VWA7: variants seen among roughly 807,000 people sequenced by gnomAD.
VWA7 encodes the protein von Willebrand factor A domain containing 7, also known as von Willebrand factor A domain-containing protein 7.
Under a neutral mutation model 83.1 loss-of-function variants are expected in VWA7, and 66 were observed. The ratio of observed to expected loss-of-function variants is 0.79; its 90% CI spans 0.65 to 0.98. The LOEUF (loss-of-function observed/expected upper bound fraction) is 0.98. VWA7 is among the 50% of genes least tolerant of loss of function. VWA7 has a pLI of 0.00. For missense variants in VWA7, 1,080 were observed against 1,160.2 expected (o/e 0.93, Z 1.00); for synonymous variants, 424 against 488.5 (o/e 0.87, Z 1.74).
In VWA7 at chr6:31,769,083, T is replaced by C; in HGVS notation, c.1438A>G (p.Ile480Val). Residue 480 changes from isoleucine to valine, a missense_variant, in exon 10 of 17, where the codon ATC becomes GTC. Transcript: ENST00000375688. The surrounding 1 kb of genome is among the most constrained non-coding windows in gnomAD (Gnocchi z 4.5). ...AVALASGGEV[I>V]FTKDQHIRDV... ...CGAATGTGCTGGTCTTTGGTGAAGA[T>C]CACCTCTCCTCCTGAGGCCAGGGCC... The C allele has an allele frequency of 1.9e-6, 3 of 1,613,064 alleles. No homozygotes were observed. Among genetic ancestry groups the C allele is most frequent in the Non-Finnish European group, 2.5e-6 (3 of 1,180,012 alleles).
intron 7 of VWA7, among the ~76,000 whole-genome samples, chr6:31,772,157 T>TA (rs1468610262): frequency 6.6e-6 from 1 of 151,360 alleles, no homozygotes; most frequent in East Asian, 1.9e-4. Flanking sequence ...TTTTTTTTTT[T>TA]AGAGACAGGG....
Position 31,776,046 on chromosome 6 carries a change from A to C in VWA7, c.431T>G (p.Leu144Arg). 6.2e-7 allele frequency: 1 copy of C among 1,613,724 alleles called. No homozygotes were observed. The highest frequency in any genetic ancestry group is 1.1e-5 in the South Asian group (1 of 91,078). The stretch of plus-strand genomic sequence containing the variant: ...CCTGGCTGCCACCACGGTCTCCCGC[A>C]GAGCCCCTACCAGGCGCGCGCGTCC... ...GQGRARLVGALRETVVAARAL... is the reference protein window; with the variant it reads ...GQGRARLVGARRETVVAARAL... Residue 144 changes from leucine (L) to arginine (R), a missense_variant, in exon 3 of 17, where the codon CTG becomes CGG. Transcript: ENST00000375688. The surrounding 1 kb of genome is among the most constrained non-coding windows in gnomAD (Gnocchi z 6.2).
chr6:31,765,753 AGG>A lies in VWA7; in HGVS notation c.2515_2516del (p.Pro839TyrfsTer5). On this transcript the variant is annotated frameshift_variant, in exon 17 of 17. Transcript: ENST00000375688. LOFTEE classifies it low-confidence loss of function (END_TRUNC). ...TGAGGATCGGGTCAGATGAGCCGGTAGGGGTGGTGTGCCGGTCCTGTGGGGAA... is the reference window on the plus strand; with the variant it reads ...TGAGGATCGGGTCAGATGAGCCGGTAGGTGGTGTGCCGGTCCTGTGGGGAA... ...APAPQDRHTT[P>X]TGSSDPILTT... 1 of 1,588,740 alleles carries A rather than the reference AGG, an allele frequency of 6.3e-7. No individual in the cohort carries two copies. The highest frequency in any genetic ancestry group is 8.6e-7 in the Non-Finnish European group (1 of 1,166,882).
Position 31,766,414 on chromosome 6 carries a change from C to A in VWA7, c.2185-30G>T, listed in dbSNP as rs575014036. 2.5e-5 allele frequency: 39 copies of A among 1,580,306 alleles called. No homozygotes were observed. In the Middle Eastern group the frequency reaches 1.2e-3, roughly 47 times the overall value. ...AGAGAAGGGTTCTTCAGGGAAGGGGCCGCTCTAACTCTCTCCAGCCCCAGC... is the reference window on the plus strand; with the variant it reads ...AGAGAAGGGTTCTTCAGGGAAGGGGACGCTCTAACTCTCTCCAGCCCCAGC... On this transcript the variant is annotated intron_variant, in intron 14 of 16. Coordinates refer to ENST00000375688, the MANE Select transcript of VWA7 (RefSeq NM_025258.3). This position sits in a 1 kb window ranked among gnomAD's most constrained non-coding sequence, Gnocchi z 4.9.
Position 31,776,870 on chromosome 6 carries a change from G to T in VWA7, c.-15-76C>A. 2.4e-6 allele frequency: 2 copies of T among 844,962 alleles called. No homozygotes were observed. The highest frequency in any genetic ancestry group is 3.4e-6 in the Non-Finnish European group (2 of 586,168). The allele number at this position is 844,962 out of a possible 1,614,324, so 52.3% of individuals were successfully genotyped here. On this transcript the variant is annotated intron_variant, in intron 1 of 16. Transcript: ENST00000375688. This position sits in a 1 kb window ranked among gnomAD's most constrained non-coding sequence, Gnocchi z 6.2. ...GCAGGCCGGCTCTGCGGGTCTCCAT[G>T]GGAACCTGCTTTACCTCAAAAGTCG...
intron 10 of VWA7, among the ~76,000 whole-genome samples, chr6:31,768,341 G>A (rs1811835831): frequency 6.6e-6 from 1 of 151,970 alleles, no homozygotes; most frequent in African/African-American, 2.4e-5. Flanking sequence ...CAGGCGTGGT[G>A]GCTCATGTCT....
Position 31,765,955 on chromosome 6 carries a change from C to T in VWA7, c.2427G>A (p.Gly809=), listed in dbSNP as rs781537697. Residue 809 remains glycine, a synonymous_variant, in exon 16 of 17, where the codon GGG becomes GGA. Transcript: ENST00000375688. ...GGGGTACTGGGTTGGCTTCTCGTCCCCCTGCAGTCACAGTCACCATCACCA... is the reference window on the plus strand; with the variant it reads ...GGGGTACTGGGTTGGCTTCTCGTCCTCCTGCAGTCACAGTCACCATCACCA... ...DSVVMVTVTA[G]GREANPVPPT... is the part of the protein sequence containing the mutation. 3 of 1,613,090 alleles carry T rather than the reference C, an allele frequency of 1.9e-6. No homozygotes were observed. The highest frequency in any genetic ancestry group is 2.2e-5 in the South Asian group (2 of 91,086).
rs2151395611 is a variant in VWA7 at position 31,769,927 on chromosome 6, T to C, written c.1200+74A>G. ...TAGTGGATCTAGGTGCTGAAGGTGG[T>C]GGGGAGCCCCAGGAGGGATCTAGCT... On this transcript the variant is annotated intron_variant, in intron 8 of 16. Coordinates refer to ENST00000375688, the MANE Select transcript of VWA7 (RefSeq NM_025258.3). The surrounding 1 kb of genome is among the most constrained non-coding windows in gnomAD (Gnocchi z 4.5). 6.6e-7 allele frequency: 1 copy of C among 1,520,770 alleles called. No individual in the cohort carries two copies. Among genetic ancestry groups the C allele is most frequent in the Non-Finnish European group, 9.1e-7 (1 of 1,099,610 alleles). The allele number at this position is 1,520,770 out of a possible 1,614,324, so 94.2% of individuals were successfully genotyped here.
rs777773004 is a variant in VWA7, at chr6:31,769,155, G to A, written c.1366C>T (p.Arg456Trp). 1.1e-5 allele frequency: 17 copies of A among 1,612,972 alleles called. No individual in the cohort carries two copies. The highest frequency in any genetic ancestry group is 5.0e-5 in the Admixed American group (3 of 60,006). The change falls in exon 10 of 17, where the codon CGG becomes TGG. Residue 456 changes from arginine (R) to tryptophan (W), a missense_variant. By Grantham distance (101) the Arg-to-Trp change is moderately radical. Coordinates refer to ENST00000375688, the MANE Select transcript of VWA7 (RefSeq NM_025258.3). The surrounding 1 kb of genome is among the most constrained non-coding windows in gnomAD (Gnocchi z 4.5). ...CGCAGAGGGGACAAGATCTCACGCC[G>A]AGCTCGACCCTGAACCCTTGATGTA... ...EDTSRVQGRA[R>W]REILSPLRFE...
rs1811643449 is a variant in VWA7 at position 31,766,854 on chromosome 6, T to C, written c.1883-90A>G. 1 of 1,416,286 alleles carries C rather than the reference T, an allele frequency of 7.1e-7. No homozygotes were observed. The highest frequency in any genetic ancestry group is 9.5e-7 in the Non-Finnish European group (1 of 1,055,328). The allele number at this position is 1,416,286 out of a possible 1,614,324, so 87.7% of individuals were successfully genotyped here. ...TGGCCTTCAAAATAGGGGTTCCCTC[T>C]GGGGAGTATGGATGGGAAAATAGGT... On this transcript the variant is annotated intron_variant, in intron 13 of 16. Transcript: ENST00000375688. This position sits in a 1 kb window ranked among gnomAD's most constrained non-coding sequence, Gnocchi z 4.9.
chr6:31,776,578 C>G lies in VWA7; in HGVS notation c.202G>C (p.Gly68Arg). 1 of 1,548,382 alleles carries G rather than the reference C, an allele frequency of 6.5e-7. No individual in the cohort carries two copies. The change falls in exon 2 of 17, where the codon GGC becomes CGC. Residue 68 changes from glycine (G) to arginine (R), a missense_variant. Gly to Arg is a moderately radical substitution (Grantham distance 125). Transcript: ENST00000375688. The surrounding 1 kb of genome is among the most constrained non-coding windows in gnomAD (Gnocchi z 6.2). Reference protein sequence around the residue: ...LQLFLEQPPPGRPPLRLEDFL... With the variant: ...LQLFLEQPPPRRPPLRLEDFL... ...TCCTCAAGACGAAGAGGGGGGCGGCCTGGGGGTGGCTGCTCCAGGAAGAGC... is the reference window on the plus strand; with the variant it reads ...TCCTCAAGACGAAGAGGGGGGCGGCGTGGGGGTGGCTGCTCCAGGAAGAGC...
At position 31,770,854 on chromosome 6, in the gene VWA7, T is replaced by C. The variant is rs576020974; in HGVS notation, c.1088-741A>G. Among the ~76,000 whole-genome samples, 289 of 150,946 alleles carry C rather than the reference T, an allele frequency of 1.9e-3. 1 individual carries two copies. The highest frequency in any genetic ancestry group is 3.5e-3 in the Non-Finnish European group (235 of 67,720). ...GTGAGACCCCATCTCTACAAAAAAATACAAAAATTAGCCAGATATGGTGGT... is the reference window on the plus strand; with the variant it reads ...GTGAGACCCCATCTCTACAAAAAAACACAAAAATTAGCCAGATATGGTGGT... On this transcript the variant is annotated intron_variant, in intron 7 of 16. Coordinates refer to ENST00000375688, the MANE Select transcript of VWA7 (RefSeq NM_025258.3).
rs745578035 is a variant in VWA7, at chr6:31,773,053, TCTC to T, written c.985_987del (p.Glu329del). On this transcript the variant is annotated inframe_deletion, in exon 7 of 17. Coordinates refer to ENST00000375688, the MANE Select transcript of VWA7 (RefSeq NM_025258.3). This position sits in a 1 kb window ranked among gnomAD's most constrained non-coding sequence, Gnocchi z 5.3. Reference sequence around the variant, plus strand: ...CGAGCCTGGATTTTGGCAGCGTTGATCTCCTCACCCATGCTGCCCGTGGTGTCC... The same window carrying T: ...CGAGCCTGGATTTTGGCAGCGTTGATCTCACCCATGCTGCCCGTGGTGTCC... 6 of 1,612,426 alleles carry T rather than the reference TCTC, an allele frequency of 3.7e-6. No homozygotes were observed. The highest frequency in any genetic ancestry group is 5.1e-6 in the Non-Finnish European group (6 of 1,179,840).
In VWA7 at chr6:31,773,186, C is replaced by G. The variant is rs1269632474; in HGVS notation, c.917+56G>C. 1 of 1,590,780 alleles carries G rather than the reference C, an allele frequency of 6.3e-7. No individual in the cohort carries two copies. The highest frequency in any genetic ancestry group is 8.6e-7 in the Non-Finnish European group (1 of 1,169,302). On this transcript the variant is annotated intron_variant, in intron 6 of 16. Transcript: ENST00000375688. The surrounding 1 kb of genome is among the most constrained non-coding windows in gnomAD (Gnocchi z 5.3). ...CGTTTGTCCCCAGCGCCTGGTTTCT[C>G]CCTTCCCGCAGGAGCGCCTCCCCAT...
rs1268496162 is a variant in VWA7 at position 31,776,325 on chromosome 6, A to G, written c.235-83T>C. The G allele has an allele frequency of 1.3e-6, 2 of 1,538,944 alleles. No individual in the cohort carries two copies. The highest frequency in any genetic ancestry group is 4.5e-5 in the East Asian group (2 of 44,226). ...CACCTTATCTCAGCAACTGACACTC[A>G]AGGCTGGGTATGAGGGTCCTGAGCC... On this transcript the variant is annotated intron_variant, in intron 2 of 16. Transcript: ENST00000375688. The surrounding 1 kb of genome is among the most constrained non-coding windows in gnomAD (Gnocchi z 6.2).
chr6:31,773,370 C>G lies in VWA7; in HGVS notation c.789G>C (p.Lys263Asn). 6.2e-7 allele frequency: 1 copy of G among 1,607,328 alleles called. No individual in the cohort carries two copies. ...SSQPPRGGIN[K>N]DSTSPGFSPH... ...GGGAGAAGCCTGGGGATGTGCTGTC[C>G]TTGTTGATGCCTCCCCTCGGTGGCT... The change falls in exon 6 of 17, where the codon AAG (lysine) becomes AAC (asparagine). Residue 263 changes from lysine to asparagine, a missense_variant. Coordinates refer to ENST00000375688, the MANE Select transcript of VWA7 (RefSeq NM_025258.3). The surrounding 1 kb of genome is among the most constrained non-coding windows in gnomAD (Gnocchi z 5.3).
At position 31,776,987 on chromosome 6, in the gene VWA7, G is replaced by C; in HGVS notation, c.-16+122C>G. On this transcript the variant is annotated intron_variant, in intron 1 of 16. Coordinates refer to ENST00000375688, the MANE Select transcript of VWA7 (RefSeq NM_025258.3). This position sits in a 1 kb window ranked among gnomAD's most constrained non-coding sequence, Gnocchi z 6.2. Reference sequence around the variant, plus strand: ...CCATTAGGGACATACACACCTGCCAGGAGAGGGGTCCAAGGTTCCTCCCCC... The same window carrying C: ...CCATTAGGGACATACACACCTGCCACGAGAGGGGTCCAAGGTTCCTCCCCC... 1 of 428,158 alleles carries C rather than the reference G, an allele frequency of 2.3e-6. No individual in the cohort carries two copies. Among genetic ancestry groups the C allele is most frequent in the South Asian group, 7.2e-5 (1 of 13,856 alleles). The allele number at this position is 428,158 out of a possible 1,614,324, so 26.5% of individuals were successfully genotyped here.
At chr6:31,771,050 G>T (rs965162192) in intron 7 of VWA7, among the ~76,000 whole-genome samples, 9 of 150,794 alleles carry the variant, frequency 6.0e-5, no homozygotes, top group Admixed American at 3.3e-4. Flanking sequence ...AAAAAAAACT[G>T]GGTTTCCTCA....
Position 31,773,737 on chromosome 6 carries a change from C to T in VWA7, c.722-300G>A, listed in dbSNP as rs1462945663. Among the ~76,000 whole-genome samples the T allele has an allele frequency of 1.3e-5, 2 of 152,100 alleles. No homozygotes were observed. The highest frequency in any genetic ancestry group is 2.9e-5 in the Non-Finnish European group (2 of 68,030). ...TGGCGCGTGCTTGTAATCCCAGCTA[C>T]TTAGGAGGCTGAGGAAGGAAAATAG... On this transcript the variant is annotated intron_variant, in intron 5 of 16. Transcript: ENST00000375688. This position sits in a 1 kb window ranked among gnomAD's most constrained non-coding sequence, Gnocchi z 5.3.
Sources: gnomAD v4.1 joint callset for allele counts (sites outside exome capture counted in the v4.1 genomes callset) on GRCh38, gnomAD v4.1.1 for gene constraint, Gnocchi (gnomAD v3.1) non-coding constraint, MANE v1.5 for transcripts, NCBI Gene and HGNC (gene_info 2026-07-23, HGNC 2026-07-21) for gene names.